Variants in PCDHGA3 observed in about 807,000 individuals in gnomAD.
PCDHGA3 encodes protocadherin gamma-A3.
In PCDHGA3, 40 loss-of-function variants were observed where a neutral mutation model predicts 58.5. The observed-to-expected ratio is 0.68, with a 90% CI of 0.53 to 0.89. The LOEUF is 0.89. PCDHGA3 is among the 40% of genes least tolerant of loss of function. The pLI is 0.00. For missense variants in PCDHGA3, 1,223 were observed against 1,195.9 expected, an observed-to-expected ratio of 1.02 and a Z score of -0.33; for synonymous variants, 530 against 525.7, an observed-to-expected ratio of 1.01 and a Z score of -0.11.
chr5:141,465,782 T>G (rs2099109563), intron 1 of PCDHGA3, among the ~76,000 whole-genome samples: 1 of 152,076 alleles, frequency 6.6e-6, no homozygotes, highest in African/African-American at 2.4e-5. Flanking sequence ...TGTTACAGTT[T>G]TTTTTTTTTT....
Position 141,476,838 on chromosome 5 carries a change from C to T in PCDHGA3, c.2425-17969C>T, listed in dbSNP as rs1347278637. 2.5e-6 allele frequency: 4 copies of T among 1,613,496 alleles called. No individual in the cohort carries two copies. Among genetic ancestry groups the T allele is most frequent in the Non-Finnish European group, 3.4e-6 (4 of 1,180,054 alleles). ...AAGGTGCTGGACGCGAATGACAATG[C>T]GCCTGTCTTCAACCAGTCCTTGTAC... On this transcript the variant is annotated intron_variant, in intron 1 of 3. Transcript: ENST00000253812. This position sits in a 1 kb window ranked among gnomAD's most constrained non-coding sequence, Gnocchi z 7.6.
chr5:141,384,216 C>T (rs1342379342), intron 1 of PCDHGA3: 1 of 1,613,896 alleles, frequency 6.2e-7, no homozygotes, highest in Non-Finnish European at 8.5e-7. Context: ...CTCACATATT[C>T]ATGCAGGTGG....
intron 1 of PCDHGA3, chr5:141,352,480 C>G (rs973074211): frequency 6.2e-7 from 1 of 1,614,012 alleles, no homozygotes; most frequent in East Asian, 2.2e-5. Context: ...CCAACCACAG[C>G]GAGGGGACTT....
At chr5:141,448,247 A>G (rs1449158776) in intron 1 of PCDHGA3, among the ~76,000 whole-genome samples, 1 of 152,104 alleles carries the variant, frequency 6.6e-6, no homozygotes, top group Non-Finnish European at 1.5e-5. Flanking sequence ...TTTGCACAAC[A>G]GGATCATTTT....
intron 1 of PCDHGA3, chr5:141,367,677 A>G (rs1045568085): frequency 2.0e-5 from 3 of 152,168 alleles, no homozygotes; most frequent in Non-Finnish European, 4.4e-5. Context: ...GGGCTTGTTG[A>G]GAGAAGAAAT....
intron 1 of PCDHGA3, chr5:141,362,618 A>G: frequency 6.5e-7 from 1 of 1,536,872 alleles, no homozygotes; most frequent in Non-Finnish European, 8.8e-7. Flanking sequence ...TTGGGTAGGA[A>G]GTTCCACTGC....
At chr5:141,492,197 TA>T (rs2099738125) in intron 1 of PCDHGA3, among the ~76,000 whole-genome samples, 1 of 152,200 alleles carries the variant, frequency 6.6e-6, no homozygotes, top group African/African-American at 2.4e-5. Flanking sequence ...CTGCGGGACT[TA>T]GGTGTGCGCG....
In PCDHGA3 at chr5:141,477,116, G is replaced by A. The variant is rs771557201; in HGVS notation, c.2425-17691G>A. ...AGACAAGGGCGCCAATCCCGAAGGA[G>A]CACATTGCAAAGTGTTGGTGGAGGT... On this transcript the variant is annotated intron_variant, in intron 1 of 3. Transcript: ENST00000253812. This position sits in a 1 kb window ranked among gnomAD's most constrained non-coding sequence, Gnocchi z 4.9. 1 of 1,614,252 alleles carries A rather than the reference G, an allele frequency of 6.2e-7. No homozygotes were observed. The highest frequency in any genetic ancestry group is 8.5e-7 in the Non-Finnish European group (1 of 1,180,052).
intron 2 of PCDHGA3, among the ~76,000 whole-genome samples, chr5:141,503,824 C>G (rs1216231770): frequency 1.3e-5 from 2 of 152,058 alleles, no homozygotes; most frequent in South Asian, 4.1e-4. Context: ...TTGGGCAAAA[C>G]CAAAAGCAGG....
At chr5:141,389,542 G>C in intron 1 of PCDHGA3, 1 of 1,613,198 alleles carries the variant, frequency 6.2e-7, no homozygotes, top group Non-Finnish European at 8.5e-7. Flanking sequence ...GTGGACGACC[G>C]CAACGACAAT....
At chr5:141,441,663 G>A (rs777315226) in intron 1 of PCDHGA3, 20 of 260,482 alleles carry the variant, frequency 7.7e-5, no homozygotes, top group Non-Finnish European at 1.2e-4. Context: ...GTCCTTGAGC[G>A]CACAGTGCGC....
At chr5:141,374,589 G>T (rs1385892757) in intron 1 of PCDHGA3, 1 of 1,613,558 alleles carries the variant, frequency 6.2e-7, no homozygotes, top group Admixed American at 1.7e-5. Context: ...TCCCTTCAGG[G>T]ATTTAAGCTC....
At chr5:141,356,122 G>A in intron 1 of PCDHGA3, 1 of 1,613,886 alleles carries the variant, frequency 6.2e-7, no homozygotes, top group Non-Finnish European at 8.5e-7. Context: ...GGGGGGTCTA[G>A]ATTATGAGGA....
At chr5:141,492,461 G>A (rs1218833302) in intron 1 of PCDHGA3, among the ~76,000 whole-genome samples, 1 of 152,212 alleles carries the variant, frequency 6.6e-6, no homozygotes, top group East Asian at 1.9e-4. Flanking sequence ...CGCGCCTGAG[G>A]GTCCCAGATC....
At chr5:141,362,022 G>A (rs769844077) in intron 1 of PCDHGA3, 1 of 1,607,598 alleles carries the variant, frequency 6.2e-7, no homozygotes, top group African/African-American at 1.3e-5. Context: ...TGCGCACAGC[G>A]CGTGCCTTGG....
rs767147642 is a variant in PCDHGA3 at position 141,356,594 on chromosome 5, A to G, written c.2424+10137A>G. 4 of 1,613,994 alleles carry G rather than the reference A, an allele frequency of 2.5e-6. No individual in the cohort carries two copies. The South Asian group carries it at 4.4e-5, about 18-fold the overall frequency. On this transcript the variant is annotated intron_variant, in intron 1 of 3. Transcript: ENST00000253812. ...TACTCTGCTTACATTCCTGAAAACA[A>G]CCCCAGAGGAGCCTCCATCTTATCT...
chr5:141,437,478 T>G (rs942305423), intron 1 of PCDHGA3, among the ~76,000 whole-genome samples: 2 of 152,210 alleles, frequency 1.3e-5, no homozygotes, highest in African/African-American at 2.4e-5. Flanking sequence ...TATAGCATAT[T>G]TAATCTCGTA....
chr5:141,462,009 G>A (rs2099028674), intron 1 of PCDHGA3, among the ~76,000 whole-genome samples: 1 of 152,190 alleles, frequency 6.6e-6, no homozygotes, highest in Admixed American at 6.5e-5. Context: ...TTTTAATAGA[G>A]ACGGGGTTTC....
chr5:141,433,843 A>C (rs2097657951), intron 1 of PCDHGA3, among the ~76,000 whole-genome samples: 1 of 151,956 alleles, frequency 6.6e-6, no homozygotes, highest in African/African-American at 2.4e-5. Context: ...ATCTCAAAAA[A>C]AAAAAAAAAA....
Sources: allele counts gnomAD v4.1 joint callset (sites outside exome capture counted in the v4.1 genomes callset), GRCh38; gene constraint gnomAD v4.1.1; non-coding constraint Gnocchi (gnomAD v3.1); transcripts MANE v1.5; gene names NCBI Gene and HGNC (gene_info 2026-07-23, HGNC 2026-07-21).